The following PARP4 variants were observed in gnomAD, a reference collection of about 807,000 sequenced individuals.
PARP4 encodes protein mono-ADP-ribosyltransferase PARP4.
PARP4 carries 120 observed loss-of-function variants against 187.7 expected under a neutral mutation model. The ratio of observed to expected loss-of-function variants is 0.64; its 90% CI spans 0.55 to 0.74. The LOEUF is 0.74. Ranked by LOEUF, PARP4 falls within the 30% of genes least tolerant of loss-of-function variation. The probability of loss-of-function intolerance (pLI) is 0.00; values close to 1 mark genes in which losing one functional copy is unlikely to be tolerated. For synonymous variants in PARP4, 654 were observed against 740.9 expected (o/e 0.88, Z 1.90); for missense variants, 1,836 against 2,070.5 (o/e 0.89, Z 2.20).
Position 24,478,121 on chromosome 13 carries a change from T to C in PARP4, c.1604A>G (p.Gln535Arg). Residue 535 changes from glutamine to arginine, a missense_variant, in exon 13 of 34, where the codon CAA becomes CGA. This residue lies in a region of PARP4 where 1,147 missense variants were observed against 1,214.2 expected (regional missense o/e 0.94). Coordinates refer to ENST00000381989, the MANE Select transcript of PARP4 (RefSeq NM_006437.4). ...AAAGTCTGTGGTGACAGAGGCTGTT[T>C]GCGAAACTCCATGCACACTGTCGTA... ...PGYDSVHGVS[Q>R]TASVTTDFED... 1 of 1,606,746 alleles carries C rather than the reference T, an allele frequency of 6.2e-7. No individual in the cohort carries two copies. Among genetic ancestry groups the C allele is most frequent in the Admixed American group, 1.7e-5 (1 of 58,630 alleles).
chr13:24,460,096 G>C lies in PARP4; in HGVS notation c.2174C>G (p.Ala725Gly). 1 of 1,613,766 alleles carries C rather than the reference G, an allele frequency of 6.2e-7. No homozygotes were observed. The highest frequency in any genetic ancestry group is 8.5e-7 in the Non-Finnish European group (1 of 1,179,772). ...TVSVGNLPPK[A>G]KVLIKITYIT... ...GTAGGTAATTTTTATAAGAACCTTA[G>C]CCTTAGGGGGTAAGTTTCCAACACT... The change falls in exon 18 of 34, where the codon GCT becomes GGT. Residue 725 changes from alanine (A) to glycine (G), a missense_variant. Around this residue, in one of 8 missense-constraint regions of PARP4, gnomAD observed 1,147 missense variants for 1,214.2 expected, o/e 0.94. Transcript: ENST00000381989.
In PARP4 at chr13:24,496,549, G is replaced by A. The variant is rs563155173; in HGVS notation, c.591+1567C>T. Among the ~76,000 whole-genome samples, 60 of 152,306 alleles carry A rather than the reference G, an allele frequency of 3.9e-4. 1 individual carries two copies. Among genetic ancestry groups the A allele is most frequent in the African/African-American group, 1.3e-3 (54 of 41,574 alleles). ...TGGAACCCGAGACAATGCTACAAGA[G>A]CTATGGGCTCTTGTGGGGTAGGGCT... On this transcript the variant is annotated intron_variant, in intron 6 of 33. Transcript: ENST00000381989.
chr13:24,475,174 CT>C (rs1872921621), intron 15 of PARP4, among the ~76,000 whole-genome samples: 1 of 152,152 alleles, frequency 6.6e-6, no homozygotes, highest in South Asian at 2.1e-4. Context: ...TCCTGCTTTC[CT>C]TTTTCTCTTT....
At chr13:24,480,094 C>T (rs1367967485) in intron 12 of PARP4, among the ~76,000 whole-genome samples, 2 of 152,216 alleles carry the variant, frequency 1.3e-5, no homozygotes, top group African/African-American at 4.8e-5. Context: ...ACTCTGGACA[C>T]GCCGCCTTTA....
intron 31 of PARP4, among the ~76,000 whole-genome samples, chr13:24,432,565 TTAACA>T (rs1870397256): frequency 6.6e-6 from 1 of 152,202 alleles, no homozygotes; most frequent in Non-Finnish European, 1.5e-5. Flanking sequence ...GAAAGAGTAC[TTAACA>T]TAAGATAGAC....
chr13:24,456,428 G>A lies in PARP4; in HGVS notation c.2475C>T (p.Asp825=). 2 of 1,610,386 alleles carry A rather than the reference G, an allele frequency of 1.2e-6. No individual in the cohort carries two copies. Among genetic ancestry groups the A allele is most frequent in the South Asian group, 1.1e-5 (1 of 90,986 alleles). ...CGATGTGGAGAGAAAATCCACTGCT[G>A]TCTAAGGAGCTGCCTTCCATGGTGC... ...VISTMEGSSL[D]SSGFSLHIGL... The change falls in exon 21 of 34, where the codon GAC becomes GAT. Residue 825 remains aspartate (D), a synonymous_variant. Coordinates refer to ENST00000381989, the MANE Select transcript of PARP4 (RefSeq NM_006437.4).
intron 1 of PARP4, among the ~76,000 whole-genome samples, chr13:24,506,599 T>G (rs570123562): frequency 1.3e-5 from 2 of 152,316 alleles, no homozygotes; most frequent in South Asian, 4.1e-4. Flanking sequence ...GAGCACTGAT[T>G]GGTGCATTTA....
At chr13:24,477,297 T>C (rs764525002) in intron 14 of PARP4, among the ~76,000 whole-genome samples, 1 of 151,744 alleles carries the variant, frequency 6.6e-6, no homozygotes, top group Non-Finnish European at 1.5e-5. Context: ...CTAAGCAACA[T>C]AGTGAGAATT....
rs571029676 is a variant in PARP4, at chr13:24,486,740, C to T, written c.1215-435G>A. The stretch of plus-strand genomic sequence containing the variant: ...GCCAAGGCAGTTAGATCACTGGAGC[C>T]CAGAAGTTTGAGACCAGCCTGGGCA... On this transcript the variant is annotated intron_variant, in intron 10 of 33. Coordinates refer to ENST00000381989, the MANE Select transcript of PARP4 (RefSeq NM_006437.4). 1.9e-4 allele frequency among the ~76,000 whole-genome samples: 29 copies of T among 152,098 alleles called. 1 individual carries two copies. The South Asian group carries it at 5.6e-3, about 29-fold the overall frequency.
intron 24 of PARP4, among the ~76,000 whole-genome samples, chr13:24,450,222 C>T (rs1871437706): frequency 6.6e-6 from 1 of 152,068 alleles, no homozygotes; most frequent in Non-Finnish European, 1.5e-5. Context: ...ATAAAGTCTA[C>T]CTCTTGAAAT....
At chr13:24,476,682 T>C (rs1422631973) in intron 14 of PARP4, among the ~76,000 whole-genome samples, 4 of 152,306 alleles carry the variant, frequency 2.6e-5, no homozygotes, top group Non-Finnish European at 1.5e-5. Context: ...CATGAACTCA[T>C]GCGTTTCTGA....
At chr13:24,433,096 G>A (rs186535212) in intron 31 of PARP4, among the ~76,000 whole-genome samples, 259 of 152,268 alleles carry the variant, frequency 1.7e-3, no homozygotes, top group African/African-American at 6.1e-3. Flanking sequence ...CAGGGCTTGC[G>A]TAACGTCCTC....
At chr13:24,442,020 GATGACTACACATTCT>G (rs1870954442) in intron 29 of PARP4, 52 bp from the exon 30 acceptor site, 1 of 1,440,856 alleles carries the variant, frequency 6.9e-7, no homozygotes, top group African/African-American at 1.5e-5. Flanking sequence ...CCAATTAAAT[GATGACTACACATTCT>G]AAAGCCTATG....
intron 27 of PARP4, among the ~76,000 whole-genome samples, chr13:24,444,808 GTA>G (rs370178392): frequency 1.4e-3 from 215 of 150,472 alleles, no homozygotes; most frequent in African/African-American, 4.9e-3. Context: ...CAGAGGAATC[GTA>G]TGTCAGTGAA....
intron 14 of PARP4, among the ~76,000 whole-genome samples, chr13:24,476,272 C>A (rs1188896978): frequency 1.3e-5 from 2 of 152,084 alleles, no homozygotes; most frequent in Non-Finnish European, 2.9e-5. Flanking sequence ...TGCTCTTCTG[C>A]CTTTTTAATG....
chr13:24,425,917 G>A (rs1870026763), intron 33 of PARP4, among the ~76,000 whole-genome samples: 2 of 152,086 alleles, frequency 1.3e-5, no homozygotes, highest in African/African-American at 4.8e-5. Flanking sequence ...AACCCTCTTA[G>A]GGTGCTGGGG....
chr13:24,488,930 A>T (rs1268644387), intron 10 of PARP4, among the ~76,000 whole-genome samples: 2 of 152,200 alleles, frequency 1.3e-5, no homozygotes, highest in African/African-American at 4.8e-5. Flanking sequence ...TCTTTCACTC[A>T]GCGTAATATT....
intron 24 of PARP4, among the ~76,000 whole-genome samples, chr13:24,450,680 A>T (rs1343212648): frequency 6.6e-6 from 1 of 152,144 alleles, no homozygotes; most frequent in Non-Finnish European, 1.5e-5. Context: ...AGCTCACTTT[A>T]CTAGAGTTTG....
chr13:24,440,689 C>T (rs1175014488), intron 30 of PARP4, among the ~76,000 whole-genome samples: 6 of 152,074 alleles, frequency 3.9e-5, no homozygotes, highest in South Asian at 2.1e-4. Flanking sequence ...GAGTGAAGCG[C>T]GGGCTGGGGT....
Sources: gnomAD v4.1 joint callset for allele counts (sites outside exome capture counted in the v4.1 genomes callset) on GRCh38, gnomAD v4.1.1 for gene constraint, gnomAD v4.1.1 regional missense constraint, MANE v1.5 for transcripts, NCBI Gene and HGNC (gene_info 2026-07-23, HGNC 2026-07-21) for gene names.